Variants in NDST4 observed in about 807,000 individuals in gnomAD.
NDST4 encodes N-heparan sulfate sulfotransferase 4.
NDST4 carries 63 observed loss-of-function variants against 100.8 expected under a neutral mutation model. The ratio of observed to expected loss-of-function variants is 0.62; its 90% CI spans 0.51 to 0.77. The LOEUF (loss-of-function observed/expected upper bound fraction) is 0.77. NDST4 is among the 30% of genes least tolerant of loss of function. NDST4 has a pLI of 0.00. For missense variants in NDST4, 943 were observed against 1,018.4 expected (o/e 0.93, Z 1.01); for synonymous variants, 377 against 361.8 (o/e 1.04, Z -0.48).
intron 2 of NDST4, among the ~76,000 whole-genome samples, chr4:115,025,048 T>C (rs973342041): frequency 3.9e-5 from 6 of 152,150 alleles, no homozygotes; most frequent in African/African-American, 1.4e-4. Flanking sequence ...GCTGGTGCTA[T>C]GTCCCTAGAC....
intron 4 of NDST4, among the ~76,000 whole-genome samples, chr4:114,958,365 A>T (rs994796588): frequency 6.8e-6 from 1 of 147,870 alleles, no homozygotes; most frequent in Non-Finnish European, 1.5e-5. Context: ...CCTTTATTAC[A>T]GTTTGTAACA....
intron 2 of NDST4, among the ~76,000 whole-genome samples, chr4:114,999,814 G>A (rs1727246740): frequency 6.6e-6 from 1 of 151,976 alleles, no homozygotes; most frequent in South Asian, 2.1e-4. Context: ...AGGCTGTTAG[G>A]AGGTATATAA....
intron 3 of NDST4, among the ~76,000 whole-genome samples, chr4:114,973,995 C>T (rs6830279): frequency 0.45 from 67,621 of 151,410 alleles, 16,664 homozygotes; most frequent in Non-Finnish European, 0.58. Context: ...AAAATAGTGC[C>T]ATATGAATTG....
chr4:114,935,024 T>C (rs1033988840), intron 6 of NDST4, 182 bp downstream of exon 6: 1 of 365,128 alleles, frequency 2.7e-6, no homozygotes, highest in African/African-American at 2.1e-5. Flanking sequence ...TGAAATCTAC[T>C]GAAAAATCAG....
At chr4:114,894,176 G>A (rs2126207362) in intron 6 of NDST4, among the ~76,000 whole-genome samples, 1 of 152,268 alleles carries the variant, frequency 6.6e-6, no homozygotes, top group East Asian at 1.9e-4. Context: ...GTAGCATGAT[G>A]CCTCCAGCTT....
intron 1 of NDST4, among the ~76,000 whole-genome samples, chr4:115,098,354 C>A (rs1289543142): frequency 6.6e-6 from 1 of 152,080 alleles, no homozygotes; most frequent in East Asian, 1.9e-4. Context: ...GTAAACATTT[C>A]CTTTTAGAAA....
intron 6 of NDST4, among the ~76,000 whole-genome samples, chr4:114,912,914 T>C (rs1453092165): frequency 6.6e-6 from 1 of 152,114 alleles, no homozygotes; most frequent in East Asian, 1.9e-4. Context: ...AAGTGATATA[T>C]TTTTATGAAT....
intron 1 of NDST4, among the ~76,000 whole-genome samples, chr4:115,102,620 T>A (rs1459205988): frequency 6.6e-6 from 1 of 151,890 alleles, no homozygotes; most frequent in Non-Finnish European, 1.5e-5. Context: ...TAAATGGAAT[T>A]TGCCTGTATC....
chr4:114,858,359 C>T (rs891110573), intron 7 of NDST4, among the ~76,000 whole-genome samples: 1 of 152,164 alleles, frequency 6.6e-6, no homozygotes. Context: ...GTATATGGCT[C>T]ATTGACATGT....
chr4:115,026,060 C>T (rs999101112), intron 2 of NDST4, among the ~76,000 whole-genome samples: 6 of 152,202 alleles, frequency 3.9e-5, no homozygotes, highest in Non-Finnish European at 7.4e-5. Context: ...TTCCTCCACA[C>T]ATTCTTTGCT....
chr4:114,878,873 C>A (rs1394028185), intron 6 of NDST4, among the ~76,000 whole-genome samples: 2 of 151,810 alleles, frequency 1.3e-5, no homozygotes, highest in East Asian at 3.9e-4. Context: ...GCCAGTGTTT[C>A]TTTGTTCCTC....
intron 2 of NDST4, among the ~76,000 whole-genome samples, chr4:114,989,389 T>G (rs1214155585): frequency 2.0e-5 from 3 of 152,232 alleles, no homozygotes; most frequent in Admixed American, 6.5e-5. Flanking sequence ...TGAACTATGT[T>G]GCCATGCTTA....
chr4:115,043,933 G>C (rs1728406102), intron 2 of NDST4, among the ~76,000 whole-genome samples: 1 of 152,078 alleles, frequency 6.6e-6, no homozygotes, highest in South Asian at 2.1e-4. Context: ...GCTTAGAGCA[G>C]TGACTTTCAA....
intron 6 of NDST4, among the ~76,000 whole-genome samples, chr4:114,882,637 C>A (rs1296193346): frequency 6.6e-6 from 1 of 151,812 alleles, no homozygotes; most frequent in African/African-American, 2.4e-5. Context: ...GGGGCAATAT[C>A]AAAAGTTGTA....
chr4:114,867,285 A>G (rs1360992856), intron 7 of NDST4, among the ~76,000 whole-genome samples: 1 of 152,150 alleles, frequency 6.6e-6, no homozygotes, highest in Non-Finnish European at 1.5e-5. Flanking sequence ...TGTCACAGCT[A>G]TTCAAATTTC....
chr4:114,898,743 T>A (rs934193679), intron 6 of NDST4, among the ~76,000 whole-genome samples: 2 of 139,248 alleles, frequency 1.4e-5, no homozygotes, highest in African/African-American at 6.3e-5. Context: ...CTCACGTAAA[T>A]TTTGCACTTA....
At chr4:114,945,618 G>A (rs1225029584) in intron 4 of NDST4, among the ~76,000 whole-genome samples, 3 of 152,200 alleles carry the variant, frequency 2.0e-5, no homozygotes, top group Admixed American at 1.3e-4. Context: ...GTTGTAAAGA[G>A]ATAATGCATT....
chr4:115,002,889 T>A (rs1328465545), intron 2 of NDST4, among the ~76,000 whole-genome samples: 1 of 152,164 alleles, frequency 6.6e-6, no homozygotes, highest in African/African-American at 2.4e-5. Context: ...CATGGAATAC[T>A]ATGCAGCCAT....
chr4:114,948,016 T>A (rs925503120), intron 4 of NDST4, among the ~76,000 whole-genome samples: 3 of 152,072 alleles, frequency 2.0e-5, no homozygotes, highest in African/African-American at 7.2e-5. Context: ...TCCAAACTTT[T>A]TGGATCCTTC....
Sources: gnomAD v4.1 joint callset for allele counts (sites outside exome capture counted in the v4.1 genomes callset) on GRCh38, gnomAD v4.1.1 for gene constraint, MANE v1.5 for transcripts, NCBI Gene and HGNC (gene_info 2026-07-23, HGNC 2026-07-21) for gene names.